The following EPHA6 variants were observed in gnomAD, a reference collection of about 807,000 sequenced individuals.
The protein encoded by EPHA6 is EPH receptor A6.
EPHA6 carries 50 observed loss-of-function variants against 112.0 expected under a neutral mutation model. The ratio of observed to expected loss-of-function variants is 0.45; its 90% confidence interval spans 0.36 to 0.56. EPHA6 has a LOEUF of 0.56. EPHA6 is among the 20% of genes least tolerant of loss of function. EPHA6 has a pLI of 0.00. For synonymous variants in EPHA6, 529 were observed against 490.7 expected (o/e 1.08, Z -1.03); for missense variants, 1,280 against 1,417.4 (o/e 0.90, Z 1.56).
At chr3:96,918,928 CACTG>C (rs1430047173) in intron 2 of EPHA6, among the ~76,000 whole-genome samples, 1 of 151,918 alleles carries the variant, frequency 6.6e-6, no homozygotes, top group Non-Finnish European at 1.5e-5. Context: ...ATATCACTGA[CACTG>C]TAATATTTTA....
At chr3:97,327,229 C>T (rs758441810) in intron 5 of EPHA6, among the ~76,000 whole-genome samples, 4 of 152,036 alleles carry the variant, frequency 2.6e-5, no homozygotes, top group Non-Finnish European at 5.9e-5. Context: ...TATATATTTA[C>T]TAATCTATGC....
chr3:97,282,998 A>G lies in EPHA6; in HGVS notation c.1606+38711A>G, dbSNP rs1278837373. Among the ~76,000 whole-genome samples the G allele has an allele frequency of 2.0e-5, 3 of 152,342 alleles. No individual in the cohort carries two copies. The East Asian group carries it at 5.8e-4, about 29-fold the overall frequency. ...TGTATCCCAGAACTTAAAATAAAAT[A>G]AAATTTTAAAAAAGAAAGACTGGCA... On this transcript the variant is annotated intron_variant, in intron 5 of 17. Transcript: ENST00000389672.
chr3:97,740,841 A>G (rs978966800), intron 16 of EPHA6, among the ~76,000 whole-genome samples: 6 of 152,208 alleles, frequency 3.9e-5, no homozygotes, highest in South Asian at 4.1e-4. Flanking sequence ...CATAATCAGC[A>G]TTTGCTAAAT....
At chr3:96,921,714 C>T (rs1444776849) in intron 2 of EPHA6, among the ~76,000 whole-genome samples, 3 of 151,930 alleles carry the variant, frequency 2.0e-5, no homozygotes, top group East Asian at 3.9e-4. Context: ...ACTACAGGCA[C>T]GTGCCACCAT....
intron 11 of EPHA6, among the ~76,000 whole-genome samples, chr3:97,550,529 C>T (rs2093015298): frequency 1.3e-5 from 2 of 152,136 alleles, no homozygotes; most frequent in Non-Finnish European, 2.9e-5. Flanking sequence ...AGGCCTATGA[C>T]CTGAGAAGGA....
chr3:96,962,617 T>G (rs748663656), intron 2 of EPHA6, among the ~76,000 whole-genome samples: 4 of 150,788 alleles, frequency 2.7e-5, no homozygotes, highest in Non-Finnish European at 4.4e-5. Context: ...GTCAGAAAAT[T>G]TGCACTGTCC....
At chr3:96,989,449 T>C (rs1054831618) in intron 3 of EPHA6, among the ~76,000 whole-genome samples, 17 of 152,228 alleles carry the variant, frequency 1.1e-4, no homozygotes, top group African/African-American at 3.9e-4. Context: ...AAATTTTTAT[T>C]CACTTATAAC....
At chr3:96,951,313 A>G (rs767264750) in intron 2 of EPHA6, among the ~76,000 whole-genome samples, 5 of 152,064 alleles carry the variant, frequency 3.3e-5, no homozygotes, top group Non-Finnish European at 7.4e-5. Flanking sequence ...GCCTTTGTTA[A>G]GTTTTTTATT....
intron 4 of EPHA6, among the ~76,000 whole-genome samples, chr3:97,231,752 C>A (rs1411966356): frequency 1.3e-5 from 2 of 152,132 alleles, no homozygotes; most frequent in African/African-American, 4.8e-5. Context: ...TGTTATTATG[C>A]AGATAAAGTA....
intron 16 of EPHA6, among the ~76,000 whole-genome samples, chr3:97,740,334 C>T (rs974784114): frequency 3.9e-5 from 6 of 152,224 alleles, no homozygotes; most frequent in Admixed American, 1.3e-4. Context: ...GCTCCAGGTC[C>T]CCAGCATGTC....
chr3:97,049,281 A>T (rs2045610885), intron 3 of EPHA6, among the ~76,000 whole-genome samples: 1 of 152,218 alleles, frequency 6.6e-6, no homozygotes. Flanking sequence ...TGTTTTGAAA[A>T]TAGATTGAAT....
At chr3:97,623,644 A>G (rs545869005) in intron 13 of EPHA6, among the ~76,000 whole-genome samples, 1 of 151,654 alleles carries the variant, frequency 6.6e-6, no homozygotes, top group Non-Finnish European at 1.5e-5. Context: ...AAAAGGAGCT[A>G]GGACGCTCTT....
rs1256281969 is a variant in EPHA6 at position 97,751,063 on chromosome 3, TA to T, written c.*2365del. The stretch of plus-strand genomic sequence containing the variant: ...AAATAAGAACAGATATAAAACAGAT[TA>T]AATTTATTAATCATATATTTATTTT... On this transcript the variant is annotated 3_prime_UTR_variant, in exon 18 of 18. Transcript: ENST00000389672. 6.6e-6 allele frequency among the ~76,000 whole-genome samples: 1 copy of T among 152,124 alleles called. No homozygotes were observed. The highest frequency in any genetic ancestry group is 2.4e-5 in the African/African-American group (1 of 41,458).
At chr3:97,285,446 C>T (rs1367877166) in intron 5 of EPHA6, among the ~76,000 whole-genome samples, 2 of 152,070 alleles carry the variant, frequency 1.3e-5, no homozygotes, top group Non-Finnish European at 2.9e-5. Context: ...ATTTTTTAAA[C>T]TTCCACATAT....
chr3:96,857,880 G>A (rs1230110183), intron 1 of EPHA6, among the ~76,000 whole-genome samples: 4 of 152,046 alleles, frequency 2.6e-5, no homozygotes, highest in Non-Finnish European at 5.9e-5. Flanking sequence ...ATATTATTGT[G>A]TCCGGTTTAA....
chr3:97,633,584 ACTG>A (rs1301764480), intron 13 of EPHA6, among the ~76,000 whole-genome samples: 1 of 152,128 alleles, frequency 6.6e-6, no homozygotes, highest in Non-Finnish European at 1.5e-5. Flanking sequence ...CTGTAATAGA[ACTG>A]CTACATAAAG....
chr3:97,189,728 A>G (rs1335593677), intron 3 of EPHA6, among the ~76,000 whole-genome samples: 2 of 152,102 alleles, frequency 1.3e-5, no homozygotes, highest in Admixed American at 1.3e-4. Flanking sequence ...TTAGAAACAT[A>G]CTTGGTCTAC....
intron 6 of EPHA6, among the ~76,000 whole-genome samples, chr3:97,423,043 C>T (rs2088805977): frequency 6.6e-6 from 1 of 152,188 alleles, no homozygotes; most frequent in Admixed American, 6.5e-5. Context: ...CCACAGCCAA[C>T]ATCACAGTGA....
At chr3:97,156,326 T>C (rs775569710) in intron 3 of EPHA6, among the ~76,000 whole-genome samples, 50 of 152,154 alleles carry the variant, frequency 3.3e-4, no homozygotes, top group Non-Finnish European at 5.9e-4. Context: ...TGAAGAATAA[T>C]TATTAAAATT....
Sources: allele counts gnomAD v4.1 joint callset (sites outside exome capture counted in the v4.1 genomes callset), GRCh38; gene constraint gnomAD v4.1.1; transcripts MANE v1.5; gene names NCBI Gene and HGNC (gene_info 2026-07-23, HGNC 2026-07-21).